The following UTRN variants were observed in gnomAD, a reference collection of about 807,000 sequenced individuals.
UTRN encodes the protein dystrophin-related protein 1.
UTRN carries 283 observed loss-of-function variants against 463.9 expected under a neutral mutation model. The observed-to-expected ratio is 0.61, with a 90% CI of 0.55 to 0.67. The LOEUF is 0.67. Among genes scored for constraint, UTRN ranks in the 30% least tolerant of loss-of-function variants. UTRN has a pLI of 0.00. For synonymous variants in UTRN, 1,442 were observed against 1,431.5 expected (o/e 1.01, Z -0.17); for missense variants, 3,922 against 4,084.3 (o/e 0.96, Z 1.08).
At chr6:144,302,685 A>T (rs1805392546) in intron 2 of UTRN, among the ~76,000 whole-genome samples, 1 of 152,196 alleles carries the variant, frequency 6.6e-6, no homozygotes, top group South Asian at 2.1e-4. Flanking sequence ...AAAGAAAGAC[A>T]TCAATAAACA....
intron 52 of UTRN, among the ~76,000 whole-genome samples, chr6:144,681,953 A>T (rs1019653942): frequency 6.6e-6 from 1 of 152,142 alleles, no homozygotes; most frequent in Non-Finnish European, 1.5e-5. Flanking sequence ...TGTGGTATCT[A>T]TCCCCTCAAG....
chr6:144,399,709 ACTC>A (rs1233909902), intron 2 of UTRN, among the ~76,000 whole-genome samples: 1 of 152,034 alleles, frequency 6.6e-6, no homozygotes, highest in Non-Finnish European at 1.5e-5. Context: ...AGGGGAAACA[ACTC>A]CTAATTTCTC....
chr6:144,485,647 G>T, intron 28 of UTRN, 128 bp downstream of exon 28: 1 of 1,363,576 alleles, frequency 7.3e-7, no homozygotes, highest in Non-Finnish European at 9.9e-7. Flanking sequence ...AATGTCACTT[G>T]CATTTTCTTC....
At chr6:144,311,952 T>A (rs180849817) in intron 2 of UTRN, 1 of 152,294 alleles carries the variant, frequency 6.6e-6, no homozygotes, top group East Asian at 1.9e-4. Context: ...TTAGTACTCT[T>A]CTGTAGAAAT....
rs151112552 is a variant in UTRN, at chr6:144,382,767, T to C, written c.80-20356T>C. Among the ~76,000 whole-genome samples, 419 of 152,292 alleles carry C rather than the reference T, an allele frequency of 2.8e-3. 3 individuals are homozygous for C. The highest frequency in any genetic ancestry group is 0.014 in the Middle Eastern group (4 of 294). On this transcript the variant is annotated intron_variant, in intron 2 of 74. Transcript: ENST00000367545. ...TGTACAAAGTGGTTAGCCCTGTGTCTGGCACATAGAAAGTGTTTAATAAAT... is the reference window on the plus strand; with the variant it reads ...TGTACAAAGTGGTTAGCCCTGTGTCCGGCACATAGAAAGTGTTTAATAAAT...
chr6:144,323,246 T>TA (rs1195215492), intron 2 of UTRN, among the ~76,000 whole-genome samples: 1 of 152,226 alleles, frequency 6.6e-6, no homozygotes, highest in East Asian at 1.9e-4. Flanking sequence ...TGACTATATA[T>TA]ATGCCCTTCA....
intron 22 of UTRN, among the ~76,000 whole-genome samples, chr6:144,461,981 C>T (rs1379309721): frequency 1.3e-5 from 2 of 151,918 alleles, no homozygotes; most frequent in Non-Finnish European, 2.9e-5. Context: ...AATGGGTAAA[C>T]GTGTGTCATG....
At chr6:144,763,898 G>T (rs117640595) in intron 58 of UTRN, among the ~76,000 whole-genome samples, 1 of 152,050 alleles carries the variant, frequency 6.6e-6, no homozygotes, top group African/African-American at 2.4e-5. Context: ...TCCCTCTTTC[G>T]TGAAGATGAG....
chr6:144,292,715 G>A (rs1007209312), intron 2 of UTRN, among the ~76,000 whole-genome samples: 1 of 152,190 alleles, frequency 6.6e-6, no homozygotes, highest in African/African-American at 2.4e-5. Context: ...TCCACCCTGA[G>A]TGTGAACACT....
At chr6:144,499,175 C>A in intron 33 of UTRN, 82 bp from the exon 34 acceptor site, 1 of 1,425,858 alleles carries the variant, frequency 7.0e-7, no homozygotes, top group Middle Eastern at 2.5e-4. Flanking sequence ...CAGTTTGGAT[C>A]TTTAGTTAAC....
At chr6:144,388,068 A>G (rs1488612353) in intron 2 of UTRN, among the ~76,000 whole-genome samples, 5 of 152,224 alleles carry the variant, frequency 3.3e-5, no homozygotes, top group African/African-American at 9.6e-5. Context: ...GGTATTACGT[A>G]TTTATTACAA....
chr6:144,652,044 A>C (rs1026053662), intron 51 of UTRN, among the ~76,000 whole-genome samples: 1 of 152,070 alleles, frequency 6.6e-6, no homozygotes, highest in African/African-American at 2.4e-5. Context: ...CCATATTCTG[A>C]TTTTAAAGTT....
chr6:144,512,736 T>TC (rs1795286602), intron 35 of UTRN, among the ~76,000 whole-genome samples: 1 of 152,064 alleles, frequency 6.6e-6, no homozygotes, highest in Non-Finnish European at 1.5e-5. Context: ...AGAGGGGGTT[T>TC]CACCATGTTG....
chr6:144,762,418 G>C lies in UTRN; in HGVS notation c.8495+4429G>C, dbSNP rs1020946471. On this transcript the variant is annotated intron_variant, in intron 58 of 74. Transcript: ENST00000367545. The stretch of plus-strand genomic sequence containing the variant: ...ACATCCTTTCTTTCATACCATAGAC[G>C]GTTACCATTTACTATGCACCTCCTG... 2.0e-5 allele frequency among the ~76,000 whole-genome samples: 3 copies of C among 152,278 alleles called. No individual in the cohort carries two copies. The South Asian group carries it at 6.2e-4, about 32-fold the overall frequency.
At chr6:144,446,019 ACT>A (rs1353838192) in intron 14 of UTRN, among the ~76,000 whole-genome samples, 2 of 152,046 alleles carry the variant, frequency 1.3e-5, no homozygotes, top group African/African-American at 4.8e-5. Flanking sequence ...ACAGAGTGAG[ACT>A]CTGTCTCAAA....
chr6:144,516,041 G>A (rs1033461016), intron 37 of UTRN, among the ~76,000 whole-genome samples, 188 bp from the exon 38 acceptor site: 2 of 152,164 alleles, frequency 1.3e-5, no homozygotes, highest in Admixed American at 6.5e-5. Context: ...TGGAGAAAAC[G>A]GGTCATTCAG....
rs191995848 is a variant in UTRN, at chr6:144,651,343, C to G, written c.7480-27063C>G. On this transcript the variant is annotated intron_variant, in intron 51 of 74. Coordinates refer to ENST00000367545, the MANE Select transcript of UTRN (RefSeq NM_007124.3). The stretch of plus-strand genomic sequence containing the variant: ...GAAACAAATGCGCAATTATATAGTA[C>G]TAGTGAATGTCTTTCTTGATAAGAG... 1.5e-3 allele frequency among the ~76,000 whole-genome samples: 225 copies of G among 152,162 alleles called. 4 individuals are homozygous for G. The highest frequency in any genetic ancestry group is 3.9e-3 in the African/African-American group (161 of 41,512).
chr6:144,692,767 C>T (rs1420476851), intron 52 of UTRN, among the ~76,000 whole-genome samples: 1 of 152,018 alleles, frequency 6.6e-6, no homozygotes, highest in African/African-American at 2.4e-5. Flanking sequence ...AATTTGTTTA[C>T]ATTCCTTATA....
At chr6:144,403,048 A>G (rs1783064367) in intron 2 of UTRN, 75 bp from the exon 3 acceptor site, 3 of 1,343,190 alleles carry the variant, frequency 2.2e-6, no homozygotes, top group South Asian at 2.4e-5. Context: ...CAGGATAGAG[A>G]TAACCTTATT....
Sources: gnomAD v4.1 joint callset for allele counts (sites outside exome capture counted in the v4.1 genomes callset) on GRCh38, gnomAD v4.1.1 for gene constraint, MANE v1.5 for transcripts, NCBI Gene and HGNC (gene_info 2026-07-23, HGNC 2026-07-21) for gene names.